TMEM222: variants seen among roughly 807,000 people sequenced by gnomAD.
TMEM222 encodes transmembrane protein 222, also known as chromosome 1 open reading frame 160.
A neutral mutation model predicts 25.1 loss-of-function variants in TMEM222; 18 were observed. The ratio of observed to expected loss-of-function variants is 0.72; its 90% confidence interval spans 0.50 to 1.06. TMEM222 has a LOEUF of 1.06. Among genes scored for constraint, TMEM222 ranks in the 50% least tolerant of loss-of-function variants. TMEM222 has a pLI of 0.00. For synonymous variants in TMEM222, 131 were observed against 117.9 expected (o/e 1.11, Z -0.72); for missense variants, 296 against 293.7 (o/e 1.01, Z -0.06).
chr1:27,334,332 C>T (rs899570920), intron 5 of TMEM222, 51 bp downstream of exon 5: 1 of 1,610,770 alleles, frequency 6.2e-7, no homozygotes, highest in Non-Finnish European at 8.5e-7. Flanking sequence ...AGGCTGCTCT[C>T]CCAAGGATCC....
intron 1 of TMEM222, among the ~76,000 whole-genome samples, chr1:27,328,930 T>C (rs1287895813): frequency 1.3e-5 from 2 of 152,212 alleles, no homozygotes; most frequent in South Asian, 4.1e-4. Flanking sequence ...GAGTTCTCCT[T>C]AAACTGGATC....
rs2014215151 is a variant in TMEM222 at position 27,322,208 on chromosome 1, C to T, written c.11C>T (p.Ala4Val). ...CGGGGCGCGCGCCGCATGGCGGAAGCGGAAGGGAGTTCTCTGCTCTTGTTG... is the reference window on the plus strand; with the variant it reads ...CGGGGCGCGCGCCGCATGGCGGAAGTGGAAGGGAGTTCTCTGCTCTTGTTG... MAE[A>V]EGSSLLLLPP... Residue 4 changes from alanine to valine, a missense_variant, in exon 1 of 6, where the codon GCG becomes GTG. Physicochemically the swap from Ala to Val is moderately conservative, Grantham distance 64. Transcript: ENST00000374076. 3 of 1,404,024 alleles carry T rather than the reference C, an allele frequency of 2.1e-6. No homozygotes were observed. The highest frequency in any genetic ancestry group is 1.5e-5 in the South Asian group (1 of 65,106). 87.0% of individuals were successfully genotyped at this position (1,404,024 alleles called of 1,614,324 possible).
chr1:27,326,482 C>T (rs768378464), intron 1 of TMEM222, among the ~76,000 whole-genome samples: 2 of 151,574 alleles, frequency 1.3e-5, no homozygotes, highest in South Asian at 2.1e-4. Context: ...TAGGCCCCAG[C>T]GGCATGTCAT....
Position 27,335,520 on chromosome 1 carries a change from C to A in TMEM222, c.*54C>A, listed in dbSNP as rs534947777. 9.5e-6 allele frequency: 15 copies of A among 1,577,230 alleles called. No individual in the cohort carries two copies. The Admixed American group carries it at 1.0e-4, about 11-fold the overall frequency. On this transcript the variant is annotated 3_prime_UTR_variant, in exon 6 of 6. Coordinates refer to ENST00000374076, the MANE Select transcript of TMEM222 (RefSeq NM_032125.3). The stretch of plus-strand genomic sequence containing the variant: ...GGGTCCCGAGGAAACAGCCGCCATC[C>A]CTTTTGGTTCCAGATTTTTTTCTCC...
At chr1:27,334,361 C>A in intron 5 of TMEM222, 80 bp downstream of exon 5, 1 of 1,588,354 alleles carries the variant, frequency 6.3e-7, no homozygotes. Context: ...CCATTCCTAG[C>A]GTCCTTCAGT....
rs745444010 is a variant in TMEM222 at position 27,334,065 on chromosome 1, C to T, written c.408+11C>T. 2.5e-6 allele frequency: 4 copies of T among 1,614,086 alleles called. No homozygotes were observed. The highest frequency in any genetic ancestry group is 1.6e-4 in the Middle Eastern group (1 of 6,062). On this transcript the variant is annotated intron_variant, in intron 4 of 5. Transcript: ENST00000374076. ...TACAAGCACCGCATGGTAGGTGGGC[C>T]AGGGCGGCACCGGCACTCCCCAGGT... is the stretch of plus-strand genomic sequence containing the variant.
rs1431525774 is a variant in TMEM222 at position 27,330,413 on chromosome 1, A to G, written c.195-307A>G. 4.0e-5 allele frequency among the ~76,000 whole-genome samples: 6 copies of G among 150,694 alleles called. No individual in the cohort carries two copies. The East Asian group carries it at 9.7e-4, about 24-fold the overall frequency. ...CTCCATTTGAAAAAAAAAAAAAGGT[A>G]GAAACAGTTTATCCCTCCCACCAGC... On this transcript the variant is annotated intron_variant, in intron 1 of 5. Transcript: ENST00000374076.
Position 27,335,699 on chromosome 1 carries a change from C to T in TMEM222, c.*233C>T, listed in dbSNP as rs960834013. 8.8e-6 allele frequency: 5 copies of T among 569,544 alleles called. No homozygotes were observed. Among genetic ancestry groups the T allele is most frequent in the Middle Eastern group, 4.6e-4 (1 of 2,160 alleles). The allele number at this position is 569,544 out of a possible 1,614,324, so 35.3% of individuals were successfully genotyped here. The stretch of plus-strand genomic sequence containing the variant: ...CTCCTCCCCAGGCCTGTGACTCCGG[C>T]CCTGGAAGCCCCTTTGTTCTTCTGT... On this transcript the variant is annotated 3_prime_UTR_variant, in exon 6 of 6. Transcript: ENST00000374076.
chr1:27,335,132 C>A (rs906803658), intron 5 of TMEM222: 5 of 565,088 alleles, frequency 8.8e-6, no homozygotes, highest in African/African-American at 1.9e-5. Context: ...TGTTCCCAAC[C>A]AGCGAGGTGT....
chr1:27,333,049 T>A, intron 3 of TMEM222: 1 of 322,372 alleles, frequency 3.1e-6, no homozygotes, highest in Non-Finnish European at 6.2e-6. Flanking sequence ...CACCTTGAGG[T>A]TTATGGGCTT....
At chr1:27,333,703 A>G (rs990381120) in intron 3 of TMEM222, 6 of 536,272 alleles carry the variant, frequency 1.1e-5, no homozygotes, top group African/African-American at 9.5e-5. Context: ...ATTTCAACAT[A>G]TGAACTTGGG....
rs756603644 is a variant in TMEM222 at position 27,322,382 on chromosome 1, C to A, written c.185C>A (p.Pro62Gln). 6.9e-7 allele frequency: 1 copy of A among 1,444,200 alleles called. No homozygotes were observed. The highest frequency in any genetic ancestry group is 1.4e-5 in the South Asian group (1 of 70,120). 89.5% of individuals were successfully genotyped at this position (1,444,200 alleles called of 1,614,324 possible). Residue 62 changes from proline (P) to glutamine (Q), a missense_variant, in exon 1 of 6, where the codon CCG becomes CAG. Coordinates refer to ENST00000374076, the MANE Select transcript of TMEM222 (RefSeq NM_032125.3). ...FPYCVVWTPIPVLTWFFPIIG... is the reference protein window; with the variant it reads ...FPYCVVWTPIQVLTWFFPIIG... ...TACTGCGTGGTGTGGACGCCCATCC[C>A]GGTGCTCACGTGAGTCTCTTCCGGC...
In TMEM222 at chr1:27,332,120, T is replaced by C. The variant is rs1269991943; in HGVS notation, c.311+19T>C. 6.2e-7 allele frequency: 1 copy of C among 1,614,240 alleles called. No homozygotes were observed. Among genetic ancestry groups the C allele is most frequent in the African/African-American group, 1.3e-5 (1 of 75,070 alleles). On this transcript the variant is annotated intron_variant, in intron 3 of 5. Transcript: ENST00000374076. ...CTGCCAAGTAAGTGATGAACACCCA[T>C]GTGACTGGCTCTAGAGGCAGGTCGC...
Position 27,333,993 on chromosome 1 carries a change from G to T in TMEM222, c.347G>T (p.Ser116Ile). 6.2e-7 allele frequency: 1 copy of T among 1,614,150 alleles called. No homozygotes were observed. The highest frequency in any genetic ancestry group is 1.1e-5 in the South Asian group (1 of 91,086). The change falls in exon 4 of 6, where the codon AGC becomes ATC. Residue 116 changes from serine (S) to isoleucine (I), a missense_variant. By Grantham distance (142) the Ser-to-Ile change is moderately radical. Coordinates refer to ENST00000374076, the MANE Select transcript of TMEM222 (RefSeq NM_032125.3). ...WKLDPAQVYA[S>I]GPNAWDTAVH... ...TTGGACCCTGCTCAGGTCTATGCTA[G>T]CGGGCCCAACGCATGGGACACGGCT...
Position 27,334,249 on chromosome 1 carries a change from C to T in TMEM222, c.507C>T (p.Cys169=), listed in dbSNP as rs937481606. The change falls in exon 5 of 6, where the codon TGC becomes TGT. Residue 169 remains cysteine (C), a synonymous_variant. Coordinates refer to ENST00000374076, the MANE Select transcript of TMEM222 (RefSeq NM_032125.3). ...NSTNWNMVTL[C]FFCLLYGKYV... ...CCAACTGGAATATGGTGACGCTCTGCTTCTTCTGCCTGCTCTACGGGAAGT... is the reference window on the plus strand; with the variant it reads ...CCAACTGGAATATGGTGACGCTCTGTTTCTTCTGCCTGCTCTACGGGAAGT... The T allele has an allele frequency of 2.5e-6, 4 of 1,614,106 alleles. No individual in the cohort carries two copies. The African/African-American group carries it at 4.0e-5, about 16-fold the overall frequency.
At chr1:27,334,077 G>A (rs35771571) in intron 4 of TMEM222, 23 bp downstream of exon 4, 694,001 of 1,613,568 alleles carry the variant, frequency 0.43, 152,739 homozygotes, top group Non-Finnish European at 0.45. Flanking sequence ...GGGCGGCACC[G>A]GCACTCCCCA....
At chr1:27,324,152 C>G (rs1375803679) in intron 1 of TMEM222, among the ~76,000 whole-genome samples, 1 of 152,030 alleles carries the variant, frequency 6.6e-6, no homozygotes, top group East Asian at 1.9e-4. Context: ...ATGGAGAAAC[C>G]CCATCTCTAC....
intron 2 of TMEM222, among the ~76,000 whole-genome samples, chr1:27,331,763 A>G (rs2014483898): frequency 6.6e-6 from 1 of 152,246 alleles, no homozygotes; most frequent in African/African-American, 2.4e-5. Flanking sequence ...CTTGGAGAAA[A>G]TGAGGCCCAG....
intron 2 of TMEM222, 89 bp from the exon 3 acceptor site, chr1:27,331,981 T>A: frequency 1.8e-6 from 2 of 1,104,208 alleles, no homozygotes; most frequent in Non-Finnish European, 2.8e-6. Flanking sequence ...TACCCTCTTC[T>A]AAGTCACTGC....
Sources: gnomAD v4.1 joint callset for allele counts (sites outside exome capture counted in the v4.1 genomes callset) on GRCh38, gnomAD v4.1.1 for gene constraint, MANE v1.5 for transcripts, NCBI Gene and HGNC (gene_info 2026-07-23, HGNC 2026-07-21) for gene names.